Variants in DYNC1LI2 observed in about 807,000 individuals in gnomAD.
DYNC1LI2 encodes the protein dynein cytoplasmic 1 light intermediate chain 2, also known as cytoplasmic dynein 1 light intermediate chain 2.
A neutral mutation model predicts 57.8 loss-of-function variants in DYNC1LI2; 19 were observed. That is an observed-to-expected ratio of 0.33 (90% CI 0.23 to 0.48). The LOEUF (loss-of-function observed/expected upper bound fraction) is 0.48, where lower values mean the gene tolerates loss of function less well. DYNC1LI2 is among the 20% of genes least tolerant of loss of function. DYNC1LI2 has a pLI of 0.99. For synonymous variants in DYNC1LI2, 256 were observed against 233.4 expected (o/e 1.10, Z -0.88); for missense variants, 470 against 604.2 (o/e 0.78, Z 2.33).
intron 4 of DYNC1LI2, among the ~76,000 whole-genome samples, chr16:66,737,825 GCCCACAGCTC>G (rs1431103213): frequency 6.6e-6 from 1 of 152,200 alleles, no homozygotes; most frequent in African/African-American, 2.4e-5. Flanking sequence ...TGACCACAAA[GCCCACAGCTC>G]TGCACCTTTA....
chr16:66,747,779 C>T lies in DYNC1LI2; in HGVS notation c.298+1418G>A, dbSNP rs145732624. 4.8e-3 allele frequency among the ~76,000 whole-genome samples: 722 copies of T among 151,914 alleles called. 6 individuals carry two copies. The highest frequency in any genetic ancestry group is 0.016 in the African/African-American group (656 of 41,444). ...AGAGATGGGGTTTCACCAAGTTGAC[C>T]AGGCTGGTCTTGAACTCCTGATCCC... is the stretch of plus-strand genomic sequence containing the variant. On this transcript the variant is annotated intron_variant, in intron 3 of 12. Coordinates refer to ENST00000258198, the MANE Select transcript of DYNC1LI2 (RefSeq NM_006141.3).
At chr16:66,734,497 T>C (rs914905539) in intron 5 of DYNC1LI2, among the ~76,000 whole-genome samples, 186 bp from the exon 6 acceptor site, 1 of 152,060 alleles carries the variant, frequency 6.6e-6, no homozygotes, top group Non-Finnish European at 1.5e-5. Flanking sequence ...GCCTCGTTTT[T>C]TTTTTTATCT....
Position 66,751,390 on chromosome 16 carries a change from G to C in DYNC1LI2, c.108-44C>G. 2 of 1,599,650 alleles carry C rather than the reference G, an allele frequency of 1.3e-6. No homozygotes were observed. The highest frequency in any genetic ancestry group is 1.7e-6 in the Non-Finnish European group (2 of 1,174,174). Reference sequence around the variant, plus strand: ...GAGTGGTCAGCCCCGGGCCGGGCTGGGATGGCCCGGCTCGCGTCGGCCCCT... The same window carrying C: ...GAGTGGTCAGCCCCGGGCCGGGCTGCGATGGCCCGGCTCGCGTCGGCCCCT... On this transcript the variant is annotated intron_variant, in intron 1 of 12. Transcript: ENST00000258198. This position sits in a 1 kb window ranked among gnomAD's most constrained non-coding sequence, Gnocchi z 5.2.
chr16:66,725,031 G>A (rs980334208), intron 12 of DYNC1LI2, among the ~76,000 whole-genome samples: 11 of 151,904 alleles, frequency 7.2e-5, no homozygotes, highest in Non-Finnish European at 1.3e-4. Flanking sequence ...AAAATTAGCC[G>A]GATGTGGTGG....
rs185725339 is a variant in DYNC1LI2 at position 66,746,457 on chromosome 16, A to G, written c.298+2740T>C. Among the ~76,000 whole-genome samples the G allele has an allele frequency of 6.2e-3, 945 of 152,344 alleles. 3 individuals carry two copies. Among genetic ancestry groups the G allele is most frequent in the Middle Eastern group, 0.017 (5 of 294 alleles). On this transcript the variant is annotated intron_variant, in intron 3 of 12. Transcript: ENST00000258198. ...GGCTGGAAAATGTACCATTAACAAC[A>G]GATAAGGGCAATTCTTCCATCAAAC...
intron 8 of DYNC1LI2, among the ~76,000 whole-genome samples, chr16:66,729,571 G>GTT (rs11310483): frequency 1.5e-3 from 139 of 93,694 alleles, no homozygotes; most frequent in Non-Finnish European, 2.0e-3. Flanking sequence ...TTTCTTTATA[G>GTT]TTTTTTTTTT....
intron 6 of DYNC1LI2, 91 bp downstream of exon 6, chr16:66,734,127 T>C (rs1054490194): frequency 4.3e-6 from 5 of 1,169,080 alleles, no homozygotes; most frequent in Non-Finnish European, 6.2e-6. Flanking sequence ...CAGAACACTA[T>C]TCTGGGTTTG....
chr16:66,746,727 A>G (rs1467100303), intron 3 of DYNC1LI2, among the ~76,000 whole-genome samples: 1 of 152,230 alleles, frequency 6.6e-6, no homozygotes, highest in East Asian at 1.9e-4. Context: ...TACTAGAGCT[A>G]TCACCATGTC....
At chr16:66,739,908 G>A (rs2017806383) in intron 4 of DYNC1LI2, among the ~76,000 whole-genome samples, 1 of 152,196 alleles carries the variant, frequency 6.6e-6, no homozygotes, top group Admixed American at 6.5e-5. Flanking sequence ...TTTCACAGCA[G>A]GGGACATCAG....
intron 11 of DYNC1LI2, among the ~76,000 whole-genome samples, chr16:66,727,090 C>T (rs1211771650): frequency 6.6e-6 from 1 of 152,044 alleles, no homozygotes; most frequent in East Asian, 1.9e-4. Context: ...GCTAATTTTT[C>T]AATATTCTGT....
intron 2 of DYNC1LI2, among the ~76,000 whole-genome samples, chr16:66,750,757 G>A (rs954098429): frequency 1.3e-5 from 2 of 152,118 alleles, no homozygotes; most frequent in African/African-American, 4.8e-5. Flanking sequence ...GAGGCCAGAG[G>A]GAGTAAGGGA....
At position 66,732,413 on chromosome 16, in the gene DYNC1LI2, C is replaced by T; in HGVS notation, c.855G>A (p.Lys285=). The change falls in exon 7 of 13, where the codon AAG becomes AAA. Residue 285 remains lysine (K), a synonymous_variant. Coordinates refer to ENST00000258198, the MANE Select transcript of DYNC1LI2 (RefSeq NM_006141.3). ...KEEKNLDLLY[K]YIVHKTYGFH... ...AACCGTATGTTTTATGAACAATATA[C>T]TTATACAACAAGTCGAGGTTTTTCT... 1.9e-6 allele frequency: 3 copies of T among 1,613,952 alleles called. No individual in the cohort carries two copies. Among genetic ancestry groups the T allele is most frequent in the South Asian group, 2.2e-5 (2 of 91,050 alleles).
At chr16:66,739,623 C>T (rs994278551) in intron 4 of DYNC1LI2, among the ~76,000 whole-genome samples, 2 of 152,062 alleles carry the variant, frequency 1.3e-5, no homozygotes, top group East Asian at 1.9e-4. Context: ...GACAGGGTTT[C>T]GCCATGTTGC....
intron 9 of DYNC1LI2, among the ~76,000 whole-genome samples, chr16:66,728,553 AGAT>A (rs2017577283): frequency 6.6e-6 from 1 of 152,236 alleles, no homozygotes; most frequent in South Asian, 2.1e-4. Flanking sequence ...ACCACTGGGC[AGAT>A]GATAGGTGGA....
intron 11 of DYNC1LI2, 90 bp from the exon 12 acceptor site, chr16:66,726,034 T>A: frequency 6.8e-6 from 9 of 1,317,486 alleles, no homozygotes; most frequent in Non-Finnish European, 8.4e-6. Context: ...ATTAGCCACT[T>A]GTGGCTATCA....
intron 4 of DYNC1LI2, 67 bp downstream of exon 4, chr16:66,742,371 G>A (rs1417152459): frequency 6.6e-7 from 1 of 1,506,252 alleles, no homozygotes; most frequent in African/African-American, 1.4e-5. Flanking sequence ...TTGGGAAAAG[G>A]AAAGTGATTC....
In DYNC1LI2 at chr16:66,751,217, G is replaced by A; in HGVS notation, c.181+56C>T. ...GGGAAGGCGGGGACCTGAGGGAGGG[G>A]CGCCCGCCTCGCCCACCCCAGCGAC... On this transcript the variant is annotated intron_variant, in intron 2 of 12. Transcript: ENST00000258198. The surrounding 1 kb of genome is among the most constrained non-coding windows in gnomAD (Gnocchi z 5.2). 6.3e-7 allele frequency: 1 copy of A among 1,576,254 alleles called. No individual in the cohort carries two copies. The highest frequency in any genetic ancestry group is 1.4e-5 in the African/African-American group (1 of 73,340).
At chr16:66,734,118 A>C (rs1209785312) in intron 6 of DYNC1LI2, 100 bp downstream of exon 6, 1 of 1,057,102 alleles carries the variant, frequency 9.5e-7, no homozygotes, top group African/African-American at 1.6e-5. Context: ...TCTCTTTGGC[A>C]GAACACTATT....
chr16:66,736,548 C>G (rs12925793), intron 4 of DYNC1LI2, among the ~76,000 whole-genome samples: 146,816 of 152,268 alleles, frequency 0.96, 70,815 homozygotes, highest in East Asian at 1. Context: ...GTCTTGCTCT[C>G]TTGCCCAGGC....
Sources: gnomAD v4.1 joint callset for allele counts (sites outside exome capture counted in the v4.1 genomes callset) on GRCh38, gnomAD v4.1.1 for gene constraint, Gnocchi (gnomAD v3.1) non-coding constraint, MANE v1.5 for transcripts, NCBI Gene and HGNC (gene_info 2026-07-23, HGNC 2026-07-21) for gene names.